Variants in RBFOX1 observed in about 807,000 individuals in gnomAD.
RBFOX1 encodes RNA binding fox-1 homolog 1, also known as RNA binding protein fox-1 homolog 1.
In RBFOX1, 8 loss-of-function variants were observed where a neutral mutation model predicts 57.7. That is an observed-to-expected ratio of 0.14 (90% CI 0.08 to 0.25). RBFOX1 has a LOEUF of 0.25. Among genes scored for constraint, RBFOX1 ranks in the 10% least tolerant of loss-of-function variants. The probability of loss-of-function intolerance (pLI) is 1.00; values close to 1 mark genes in which losing one functional copy is unlikely to be tolerated. For missense variants in RBFOX1, 611 were observed against 548.5 expected (o/e 1.11, Z -1.14); for synonymous variants, 326 against 222.4 (o/e 1.47, Z -4.15).
chr16:6,697,373 C>T (rs1418276051), intron 3 of RBFOX1, among the ~76,000 whole-genome samples: 1 of 152,080 alleles, frequency 6.6e-6, no homozygotes, highest in East Asian at 1.9e-4. Context: ...CCTTTGGGTG[C>T]AAGCAACAGA....
At chr16:5,982,484 C>G (rs1347571856) in intron 4 of RBFOX1, among the ~76,000 whole-genome samples, 2 of 152,130 alleles carry the variant, frequency 1.3e-5, no homozygotes, top group South Asian at 2.1e-4. Flanking sequence ...CCATGTTGGT[C>G]AGGCTGGTCT....
intron 4 of RBFOX1, among the ~76,000 whole-genome samples, chr16:5,896,406 C>G (rs968872859): frequency 6.6e-6 from 1 of 152,182 alleles, no homozygotes; most frequent in South Asian, 2.1e-4. Context: ...CCCTTGAGAA[C>G]TGATTGCTAA....
At chr16:7,476,965 A>G (rs8058643) in intron 4 of RBFOX1, among the ~76,000 whole-genome samples, 6,267 of 152,226 alleles carry the variant, frequency 0.041, 416 homozygotes, top group African/African-American at 0.14. Flanking sequence ...TCATAGTGCA[A>G]TTGCATTGGT....
intron 7 of RBFOX1, among the ~76,000 whole-genome samples, chr16:7,587,571 C>G (rs1195312297): frequency 6.6e-6 from 1 of 151,920 alleles, no homozygotes; most frequent in Non-Finnish European, 1.5e-5. Flanking sequence ...AATGATGTTG[C>G]TACATTTTTG....
intron 4 of RBFOX1, among the ~76,000 whole-genome samples, chr16:7,391,601 A>T (rs2098023825): frequency 6.6e-6 from 1 of 152,214 alleles, no homozygotes; most frequent in Admixed American, 6.5e-5. Flanking sequence ...TAACTTCAGT[A>T]CCTTCATTTG....
chr16:5,703,867 G>A (rs912119452), intron 3 of RBFOX1, among the ~76,000 whole-genome samples: 6 of 152,162 alleles, frequency 3.9e-5, no homozygotes, highest in Admixed American at 2.6e-4. Flanking sequence ...ATGATATGCA[G>A]TGTATGCATG....
intron 3 of RBFOX1, among the ~76,000 whole-genome samples, chr16:6,790,904 C>G (rs2082811094): frequency 1.3e-5 from 2 of 151,452 alleles, no homozygotes; most frequent in Non-Finnish European, 2.9e-5. Flanking sequence ...TTATTTTTTC[C>G]TGTTTATCTT....
intron 1 of RBFOX1, among the ~76,000 whole-genome samples, chr16:5,257,539 C>T (rs1203735232): frequency 6.6e-6 from 1 of 152,188 alleles, no homozygotes; most frequent in African/African-American, 2.4e-5. Flanking sequence ...CCAGTAGGGG[C>T]CTGCGTTTGC....
rs139620711 is a variant in RBFOX1, at chr16:7,121,834, A to G, written c.27+69736A>G. Among the ~76,000 whole-genome samples the G allele has an allele frequency of 2.2e-3, 328 of 152,154 alleles. 6 individuals are homozygous for G. The East Asian group carries it at 0.045, about 21-fold the overall frequency. On this transcript the variant is annotated intron_variant, in intron 4 of 15. Coordinates refer to ENST00000550418, the MANE Select transcript of RBFOX1 (RefSeq NM_018723.4). ...TGCAAACCAGTAAAGGAGAAGACAC[A>G]TTAATCAACTGGACAAAATAGAGAC...
At chr16:5,952,109 A>G (rs551438083) in intron 4 of RBFOX1, among the ~76,000 whole-genome samples, 42 of 150,470 alleles carry the variant, frequency 2.8e-4, no homozygotes, top group African/African-American at 9.7e-4. Context: ...ATACACACAT[A>G]TATGTATACA....
chr16:7,062,607 C>T (rs1338143604), intron 4 of RBFOX1, among the ~76,000 whole-genome samples: 2 of 152,138 alleles, frequency 1.3e-5, no homozygotes, highest in East Asian at 1.9e-4. Context: ...AATCACAACA[C>T]CTGTCCCTAG....
At chr16:6,153,408 A>G (rs1363055810) in intron 1 of RBFOX1, among the ~76,000 whole-genome samples, 2 of 152,078 alleles carry the variant, frequency 1.3e-5, no homozygotes, top group Admixed American at 6.5e-5. Flanking sequence ...GAAACACACA[A>G]TTGCTTTTTA....
chr16:6,779,475 C>T (rs1168788653), intron 3 of RBFOX1, among the ~76,000 whole-genome samples: 1 of 151,574 alleles, frequency 6.6e-6, no homozygotes, highest in East Asian at 1.9e-4. Flanking sequence ...CTACAATAAA[C>T]ATGGCAGTGC....
chr16:5,574,307 T>C (rs2046382882), intron 2 of RBFOX1, among the ~76,000 whole-genome samples: 1 of 152,260 alleles, frequency 6.6e-6, no homozygotes, highest in South Asian at 2.1e-4. Context: ...GATTGTGCTG[T>C]ATCTGTCTGT....
chr16:6,458,846 C>G (rs1172925992), intron 2 of RBFOX1, among the ~76,000 whole-genome samples: 1 of 152,198 alleles, frequency 6.6e-6, no homozygotes, highest in African/African-American at 2.4e-5. Context: ...CCTTGCAATA[C>G]TTGATTCCAG....
intron 4 of RBFOX1, among the ~76,000 whole-genome samples, chr16:7,112,679 G>GTGTGAGTGTGTGTGT: frequency 7.0e-6 from 1 of 142,004 alleles, no homozygotes; most frequent in South Asian, 2.5e-4. Flanking sequence ...TGTGTGTGTG[G>GTGTGAGTGTGTGTGT]GTGTGGGTGT....
intron 4 of RBFOX1, among the ~76,000 whole-genome samples, chr16:7,281,980 C>G (rs2095553254): frequency 6.6e-6 from 1 of 152,166 alleles, no homozygotes; most frequent in Non-Finnish European, 1.5e-5. Flanking sequence ...ATCCTCCCAC[C>G]TCAGCGTCCG....
intron 4 of RBFOX1, among the ~76,000 whole-genome samples, chr16:7,054,232 G>GTT (rs2051202151): frequency 3.1e-5 from 1 of 32,700 alleles, no homozygotes; most frequent in Non-Finnish European, 5.0e-5. Context: ...GGGGCGGGGA[G>GTT]CTTTTTTTTT....
intron 2 of RBFOX1, among the ~76,000 whole-genome samples, chr16:6,340,117 C>T (rs1335687032): frequency 6.6e-6 from 1 of 152,150 alleles, no homozygotes; most frequent in African/African-American, 2.4e-5. Context: ...CTGATTAATA[C>T]TTAATTATGA....
Sources: gnomAD v4.1 joint callset for allele counts (sites outside exome capture counted in the v4.1 genomes callset) on GRCh38, gnomAD v4.1.1 for gene constraint, MANE v1.5 for transcripts, NCBI Gene and HGNC (gene_info 2026-07-23, HGNC 2026-07-21) for gene names.